The following STAT5B variants were observed in gnomAD, a reference collection of about 807,000 sequenced individuals.
STAT5B encodes transcription factor STAT5B.
STAT5B carries 21 observed loss-of-function variants against 107.8 expected under a neutral mutation model. The observed-to-expected ratio is 0.19, with a 90% CI of 0.14 to 0.28. STAT5B has a LOEUF of 0.28. Among genes scored for constraint, STAT5B ranks in the 10% least tolerant of loss-of-function variants. The pLI, the probability that STAT5B is intolerant of heterozygous loss-of-function variation, is 1.00. For missense variants in STAT5B, 565 were observed against 1,008.2 expected (o/e 0.56, Z 5.95); for synonymous variants, 325 against 401.7 (o/e 0.81, Z 2.28).
intron 5 of STAT5B, among the ~76,000 whole-genome samples, chr17:42,221,167 T>G (rs2080222799): frequency 6.6e-6 from 1 of 152,248 alleles, no homozygotes; most frequent in African/African-American, 2.4e-5. Context: ...CTCAGAAATA[T>G]GGCTCCAATC....
chr17:42,245,179 G>A (rs2080441039), intron 1 of STAT5B, among the ~76,000 whole-genome samples: 1 of 148,894 alleles, frequency 6.7e-6, no homozygotes, highest in Admixed American at 6.8e-5. Context: ...CCAGGTTCAA[G>A]CGATTCTCCT....
intron 16 of STAT5B, among the ~76,000 whole-genome samples, chr17:42,206,459 C>A (rs764954488): frequency 2.0e-5 from 3 of 152,028 alleles, no homozygotes; most frequent in Non-Finnish European, 2.9e-5. Context: ...GTTCAAGCAA[C>A]GGGTGATGCA....
At chr17:42,287,467 TG>T in the STAT5B span, 1 of 152,286 alleles carries the variant, frequency 6.6e-6, no homozygotes, top group Admixed American at 6.5e-5. Flanking sequence ...GCAAAGGGGA[TG>T]GAAGGCGTCC....
intron 13 of STAT5B, 152 bp downstream of exon 13, chr17:42,211,832 A>G (rs2080132043): frequency 8.7e-7 from 1 of 1,152,830 alleles, no homozygotes; most frequent in Admixed American, 2.3e-5. Flanking sequence ...GACCTGGGTA[A>G]CTCTCAAGTT....
intron 2 of STAT5B, among the ~76,000 whole-genome samples, chr17:42,228,216 G>A (rs907416986): frequency 2.6e-5 from 4 of 152,108 alleles, no homozygotes; most frequent in African/African-American, 9.7e-5. Flanking sequence ...TCAGGCAGAG[G>A]GTGCCTACAA....
intron 1 of STAT5B, among the ~76,000 whole-genome samples, chr17:42,240,340 G>A (rs59353908): frequency 0.067 from 10,148 of 152,230 alleles, 484 homozygotes; most frequent in East Asian, 0.15. Context: ...AAGTACTGAC[G>A]CATGCTACAG....
chr17:42,264,893 T>A (rs2080653760), intron 1 of STAT5B, among the ~76,000 whole-genome samples: 1 of 128,396 alleles, frequency 7.8e-6, no homozygotes, highest in African/African-American at 3.0e-5. Flanking sequence ...TTTTAATGAT[T>A]GCCATTCTAA....
rs1567653213 is a variant in STAT5B at position 42,202,788 on chromosome 17, C to A, written c.2098G>T (p.Val700Leu). Residue 700 changes from valine to leucine, a missense_variant, in exon 17 of 19, where the codon GTG becomes TTG. Transcript: ENST00000293328. ...SATAKAVDGY[V>L]KPQIKQVVPE... is the part of the protein sequence containing the mutation. ...ACCACTTGCTTGATCTGTGGCTTCA[C>A]GTATCCATCAACAGCTTTAGCTGCC... 1.9e-6 allele frequency: 3 copies of A among 1,614,190 alleles called. No homozygotes were observed. Among genetic ancestry groups the A allele is most frequent in the Admixed American group, 1.7e-5 (1 of 60,026 alleles).
chr17:42,239,246 C>CAAA (rs770177992), intron 1 of STAT5B, among the ~76,000 whole-genome samples: 1,278 of 52,380 alleles, frequency 0.024, 60 homozygotes, highest in African/African-American at 0.07. Context: ...GACTCTGTCT[C>CAAA]AAAAAAAAAA....
intron 1 of STAT5B, among the ~76,000 whole-genome samples, chr17:42,266,245 T>C (rs563363756): frequency 6.6e-6 from 1 of 152,112 alleles, no homozygotes; most frequent in South Asian, 2.1e-4. Context: ...AATTCAAAAC[T>C]AGCCAGGCTC....
the STAT5B span, chr17:42,288,308 C>A: frequency 6.6e-6 from 1 of 152,176 alleles, no homozygotes; most frequent in Admixed American, 6.5e-5. This position sits in a 1 kb window ranked among gnomAD's most constrained non-coding sequence, Gnocchi z 4.8. Context: ...GCAGCCCCCA[C>A]GCCCGGCGCC....
At chr17:42,220,386 G>T (rs1292471299) in intron 5 of STAT5B, among the ~76,000 whole-genome samples, 2 of 152,182 alleles carry the variant, frequency 1.3e-5, no homozygotes, top group African/African-American at 4.8e-5. Context: ...GTGCTTCTTG[G>T]TTAACGGGGA....
chr17:42,272,152 G>A (rs186096042), intron 1 of STAT5B: 5 of 152,310 alleles, frequency 3.3e-5, no homozygotes, highest in African/African-American at 1.2e-4. Context: ...TATTAAAAGT[G>A]ACCTATCACT....
Position 42,218,768 on chromosome 17 carries a change from T to C in STAT5B, c.944A>G (p.Glu315Gly). The change falls in exon 8 of 19, where the codon GAG (glutamate) becomes GGG (glycine). Residue 315 changes from glutamate to glycine, a missense_variant. Around this residue, in one of 11 missense-constraint regions of STAT5B, gnomAD observed 48 missense variants for 106.5 expected, o/e 0.45. Transcript: ENST00000293328. ...AATGTCCGTGATGGTGGCGTTGACC[T>C]CGGCCAGCATCTCCTCCACTGGGCC... is the stretch of plus-strand genomic sequence containing the variant. ...IPGPVEEMLA[E>G]VNATITDIIS... 1 of 1,612,782 alleles carries C rather than the reference T, an allele frequency of 6.2e-7. No individual in the cohort carries two copies. Among genetic ancestry groups the C allele is most frequent in the Non-Finnish European group, 8.5e-7 (1 of 1,179,398 alleles).
chr17:42,265,671 C>T (rs748476529), intron 1 of STAT5B, among the ~76,000 whole-genome samples: 1 of 152,040 alleles, frequency 6.6e-6, no homozygotes, highest in African/African-American at 2.4e-5. Context: ...CTCTTTTAAG[C>T]TCTCAATACA....
intron 1 of STAT5B, among the ~76,000 whole-genome samples, chr17:42,250,400 T>C (rs1434544541): frequency 6.6e-6 from 1 of 152,160 alleles, no homozygotes; most frequent in Non-Finnish European, 1.5e-5. Flanking sequence ...ACACCCACAC[T>C]AGAAACTGTT....
intron 1 of STAT5B, chr17:42,269,311 T>C (rs566464886): frequency 6.6e-6 from 1 of 152,346 alleles, no homozygotes; most frequent in South Asian, 2.1e-4. Context: ...TGACCTCACG[T>C]GATCCGCTTG....
chr17:42,208,832 C>T (rs1012473032), intron 15 of STAT5B, among the ~76,000 whole-genome samples: 2 of 149,528 alleles, frequency 1.3e-5, no homozygotes, highest in East Asian at 2.0e-4. Flanking sequence ...CCCGGGTTCA[C>T]GCCATTCTCC....
intron 1 of STAT5B, among the ~76,000 whole-genome samples, chr17:42,239,479 A>T (rs751741665): frequency 5.3e-5 from 8 of 152,014 alleles, no homozygotes; most frequent in Non-Finnish European, 1.0e-4. Flanking sequence ...TCATCTAATA[A>T]ATAAAAATAA....
Sources: allele counts gnomAD v4.1 joint callset (sites outside exome capture counted in the v4.1 genomes callset), GRCh38; gene constraint gnomAD v4.1.1; regional missense constraint gnomAD v4.1.1; non-coding constraint Gnocchi (gnomAD v3.1); transcripts MANE v1.5; gene names NCBI Gene and HGNC (gene_info 2026-07-23, HGNC 2026-07-21).